CEP295: variants seen among roughly 807,000 people sequenced by gnomAD.
CEP295 encodes centrosomal protein of 295 kDa.
Under a neutral mutation model 291.6 loss-of-function variants are expected in CEP295, and 190 were observed. The ratio of observed to expected loss-of-function variants is 0.65; its 90% CI spans 0.58 to 0.73. The LOEUF is 0.73. CEP295 is among the 30% of genes least tolerant of loss of function. CEP295 has a pLI of 0.00. For missense variants in CEP295, 2,863 were observed against 2,949.4 expected (o/e 0.97, Z 0.68); for synonymous variants, 993 against 1,038.8 (o/e 0.96, Z 0.85).
At chr11:93,666,868 G>A in intron 2 of CEP295, 53 bp downstream of exon 2, 1 of 1,013,960 alleles carries the variant, frequency 9.9e-7, no homozygotes, top group Non-Finnish European at 1.5e-6. Context: ...CAAATTACTT[G>A]TATTCTTTTA....
intron 12 of CEP295, among the ~76,000 whole-genome samples, chr11:93,694,535 T>C (rs1365954855): frequency 1.3e-5 from 2 of 152,204 alleles, no homozygotes; most frequent in Non-Finnish European, 2.9e-5. Flanking sequence ...TTGCCAGCAT[T>C]ACTACTCTTA....
chr11:93,665,433 C>T (rs1233754342), intron 1 of CEP295, among the ~76,000 whole-genome samples: 4 of 152,160 alleles, frequency 2.6e-5, no homozygotes, highest in Admixed American at 2.0e-4. Flanking sequence ...CTGGGCCGGG[C>T]GTGGTGGCTC....
rs1436270958 is a variant in CEP295, at chr11:93,666,789, A to G, written c.82A>G (p.Arg28Gly). 6.5e-7 allele frequency: 1 copy of G among 1,545,782 alleles called. No individual in the cohort carries two copies. The highest frequency in any genetic ancestry group is 8.8e-7 in the Non-Finnish European group (1 of 1,142,324). The change falls in exon 2 of 30, where the codon AGA becomes GGA. Residue 28 changes from arginine (R) to glycine (G), a missense_variant. Physicochemically the swap from Arg to Gly is moderately radical, Grantham distance 125. This residue lies in a region of CEP295 where 554 missense variants were observed against 576.0 expected (regional missense o/e 0.96). Transcript: ENST00000325212. ...EAFILKEDYE[R>G]RRKLRLLQVR... ...CTTCATTTTGAAGGAAGATTATGAA[A>G]GAAGGCGAAAACTAAGATTGCTACA...
At chr11:93,679,120 G>A (rs1950840986) in intron 6 of CEP295, among the ~76,000 whole-genome samples, 1 of 152,180 alleles carries the variant, frequency 6.6e-6, no homozygotes, top group South Asian at 2.1e-4. Flanking sequence ...TGGAATTACA[G>A]GCATGCGCCA....
In CEP295 at chr11:93,699,846, T is replaced by C. The variant is rs1269602147; in HGVS notation, c.4934T>C (p.Leu1645Ser). ...TCTGCTGAGCATACTATCCCCTCTTTGTTTCTACCCAAGGAAACAGAGCAT... is the reference window on the plus strand; with the variant it reads ...TCTGCTGAGCATACTATCCCCTCTTCGTTTCTACCCAAGGAAACAGAGCAT... ...SESAEHTIPSLFLPKETEHSF... is the reference protein window; with the variant it reads ...SESAEHTIPSSFLPKETEHSF... Residue 1645 changes from leucine (L) to serine (S), a missense_variant, in exon 15 of 30, where the codon TTG (leucine) becomes TCG (serine). Physicochemically the swap from Leu to Ser is moderately radical, Grantham distance 145. Around this residue, in one of 3 missense-constraint regions of CEP295, gnomAD observed 2,295 missense variants for 2,335.7 expected, o/e 0.98. Coordinates refer to ENST00000325212, the MANE Select transcript of CEP295 (RefSeq NM_033395.2). 1.3e-6 allele frequency: 2 copies of C among 1,552,280 alleles called. No homozygotes were observed. Among genetic ancestry groups the C allele is most frequent in the Non-Finnish European group, 1.7e-6 (2 of 1,147,104 alleles).
At chr11:93,676,171 G>A (rs1950678456) in intron 6 of CEP295, among the ~76,000 whole-genome samples, 1 of 151,698 alleles carries the variant, frequency 6.6e-6, no homozygotes, top group South Asian at 2.1e-4. Flanking sequence ...GCATTATCTT[G>A]CACGTTTTTA....
chr11:93,680,801 GATTTT>G (rs1430097235), intron 7 of CEP295, among the ~76,000 whole-genome samples: 1 of 152,144 alleles, frequency 6.6e-6, no homozygotes, highest in Non-Finnish European at 1.5e-5. Context: ...TTAGAAGTCT[GATTTT>G]ATTTTCTGAA....
intron 1 of CEP295, among the ~76,000 whole-genome samples, chr11:93,664,324 G>A (rs1026597457): frequency 6.6e-6 from 1 of 152,172 alleles, no homozygotes; most frequent in Non-Finnish European, 1.5e-5. Flanking sequence ...GGAAAGTTAG[G>A]AGCCATTTGG....
rs1443193980 is a variant in CEP295, at chr11:93,697,260, C to T, written c.2348C>T (p.Pro783Leu). ...SENISYHLTE[P>L]SSFVPLVPQH... ...AATATATCTTACCATTTAACTGAAC[C>T]TTCTTCATTTGTACCACTGGTACCT... The change falls in exon 15 of 30, where the codon CCT becomes CTT. Residue 783 changes from proline to leucine, a missense_variant. By Grantham distance (98) the Pro-to-Leu change is moderately conservative. Transcript: ENST00000325212. The T allele has an allele frequency of 3.2e-6, 5 of 1,551,596 alleles. No individual in the cohort carries two copies. The highest frequency in any genetic ancestry group is 2.0e-5 in the Admixed American group (1 of 50,980).
intron 24 of CEP295, chr11:93,728,071 A>G (rs1937625298): frequency 6.3e-6 from 1 of 158,840 alleles, no homozygotes; most frequent in African/African-American, 2.4e-5. Context: ...TTCATCCATT[A>G]TTGGAATAAG....
chr11:93,713,926 CA>C (rs1383689625), intron 18 of CEP295, among the ~76,000 whole-genome samples: 1 of 152,172 alleles, frequency 6.6e-6, no homozygotes, highest in Non-Finnish European at 1.5e-5. Flanking sequence ...TGTGCTTGAT[CA>C]GTTCTACTAT....
At chr11:93,728,616 A>G in intron 24 of CEP295, 65 bp from the exon 25 acceptor site, 3 of 1,418,582 alleles carry the variant, frequency 2.1e-6, no homozygotes, top group South Asian at 3.0e-5. Flanking sequence ...ATTATATACA[A>G]AACGATTAGT....
Position 93,668,625 on chromosome 11 carries a change from A to G in CEP295, c.310-183A>G, listed in dbSNP as rs908508157. Among the ~76,000 whole-genome samples, 8 of 152,296 alleles carry G rather than the reference A, an allele frequency of 5.3e-5. No homozygotes were observed. The East Asian group carries it at 1.5e-3, about 29-fold the overall frequency. On this transcript the variant is annotated intron_variant, in intron 3 of 29. Transcript: ENST00000325212. ...TTGATTGCATTAACTTTACATTAAA[A>G]TGTTTGTGTTTGTCCCCCCTAATAT...
rs1952257808 is a variant in CEP295 at position 93,702,814 on chromosome 11, AAGCCACCTGT to A, written c.5495_5504del (p.Pro1832GlnfsTer9). The A allele has an allele frequency of 3.9e-6, 6 of 1,551,980 alleles. No homozygotes were observed. Among genetic ancestry groups the A allele is most frequent in the Non-Finnish European group, 5.2e-6 (6 of 1,147,016 alleles). On this transcript the variant is annotated frameshift_variant, in exon 17 of 30. Transcript: ENST00000325212. LOFTEE classifies it high-confidence loss of function. ...GAAAGATCTGGGGAGAAGATCCTCA[AAGCCACCTGT>A]AGCAAAAGTCAAATGTGGTTTGGAC...
intron 2 of CEP295, among the ~76,000 whole-genome samples, chr11:93,667,235 AT>A (rs1950238041): frequency 6.6e-6 from 1 of 152,216 alleles, no homozygotes; most frequent in South Asian, 2.1e-4. Context: ...TCTGTCTAGA[AT>A]CAGAAATGAT....
intron 18 of CEP295, among the ~76,000 whole-genome samples, chr11:93,713,705 T>C: frequency 6.6e-6 from 1 of 152,208 alleles, no homozygotes; most frequent in East Asian, 1.9e-4. Flanking sequence ...TTGATATTTT[T>C]CGCTAGGTTT....
Position 93,698,781 on chromosome 11 carries a change from C to T in CEP295, c.3869C>T (p.Ser1290Leu), listed in dbSNP as rs1203219876. 1.9e-6 allele frequency: 3 copies of T among 1,551,592 alleles called. No individual in the cohort carries two copies. In the Admixed American group the frequency reaches 5.9e-5, roughly 30 times the overall value. The change falls in exon 15 of 30, where the codon TCA becomes TTA. Residue 1290 changes from serine (S) to leucine (L), a missense_variant. Physicochemically the swap from Ser to Leu is moderately radical, Grantham distance 145. Around this residue, in one of 3 missense-constraint regions of CEP295, gnomAD observed 2,295 missense variants for 2,335.7 expected, o/e 0.98. Coordinates refer to ENST00000325212, the MANE Select transcript of CEP295 (RefSeq NM_033395.2). ...TCTTCTGAACAAACTGGTTCATCTT[C>T]ATTCATACCCCAGTTGGTACAGCTT... ...NTSSEQTGSS[S>L]FIPQLVQLSF...
chr11:93,669,667 GTTTC>G lies in CEP295; in HGVS notation c.435-7_435-4del, dbSNP rs1950343290. 6.5e-7 allele frequency: 1 copy of G among 1,529,728 alleles called. No individual in the cohort carries two copies. The highest frequency in any genetic ancestry group is 1.4e-5 in the African/African-American group (1 of 72,516). The allele number at this position is 1,529,728 out of a possible 1,614,324, so 94.8% of individuals were successfully genotyped here. A position where few individuals can be genotyped will look rare whatever the true frequency, so the allele number is the denominator to read the frequency against. On this transcript the variant is annotated splice_region_variant and splice_polypyrimidine_tract_variant and intron_variant, in intron 4 of 29. Coordinates refer to ENST00000325212, the MANE Select transcript of CEP295 (RefSeq NM_033395.2). ...GAGAGATTAATTGATGACATCTCTTGTTTCTTAAGGCATATAAAAGCTCGAAAGG... is the reference window on the plus strand; with the variant it reads ...GAGAGATTAATTGATGACATCTCTTGTTAAGGCATATAAAAGCTCGAAAGG...
chr11:93,704,798 T>G (rs1183838275), intron 17 of CEP295, among the ~76,000 whole-genome samples: 2 of 152,130 alleles, frequency 1.3e-5, no homozygotes, highest in African/African-American at 4.8e-5. Context: ...GAAATAGCGC[T>G]GAAAGGTATA....
Sources: allele counts gnomAD v4.1 joint callset (sites outside exome capture counted in the v4.1 genomes callset), GRCh38; gene constraint gnomAD v4.1.1; regional missense constraint gnomAD v4.1.1; transcripts MANE v1.5; gene names NCBI Gene and HGNC (gene_info 2026-07-23, HGNC 2026-07-21).